MACROD2: variants seen among roughly 807,000 people sequenced by gnomAD.
MACROD2 encodes the protein ADP-ribose glycohydrolase MACROD2.
MACROD2 carries 36 observed loss-of-function variants against 70.4 expected under a neutral mutation model. The ratio of observed to expected loss-of-function variants is 0.51; its 90% confidence interval spans 0.39 to 0.68. The LOEUF is 0.68. Among genes scored for constraint, MACROD2 ranks in the 30% least tolerant of loss-of-function variants. The pLI is 0.00. For synonymous variants in MACROD2, 172 were observed against 178.8 expected (o/e 0.96, Z 0.30); for missense variants, 496 against 538.4 (o/e 0.92, Z 0.78).
intron 4 of MACROD2, among the ~76,000 whole-genome samples, chr20:14,679,614 AGAGAATTTTAAACTCTTATATT>A (rs1356077209): frequency 6.6e-6 from 1 of 152,244 alleles, no homozygotes; most frequent in Non-Finnish European, 1.5e-5. Context: ...ACAATAGATT[AGAGAATTTTAAACTCTTATATT>A]GAGTTTGTAC....
intron 6 of MACROD2, among the ~76,000 whole-genome samples, chr20:15,396,239 G>A (rs1401485292): frequency 1.3e-5 from 2 of 152,160 alleles, no homozygotes; most frequent in Non-Finnish European, 2.9e-5. Flanking sequence ...CATGTATTGA[G>A]TCACTAGCAT....
intron 5 of MACROD2, among the ~76,000 whole-genome samples, chr20:15,011,066 C>T (rs1001759646): frequency 1.3e-5 from 2 of 152,212 alleles, no homozygotes; most frequent in Non-Finnish European, 2.9e-5. Context: ...GTGTGGCAGA[C>T]AGATTCAAAT....
intron 2 of MACROD2, among the ~76,000 whole-genome samples, chr20:14,084,935 C>T (rs1337191194): frequency 6.6e-6 from 1 of 150,546 alleles, no homozygotes; most frequent in East Asian, 1.9e-4. Context: ...CCATCCTGGC[C>T]AACACTGTGA....
At chr20:15,328,074 A>G (rs1343428291) in intron 6 of MACROD2, among the ~76,000 whole-genome samples, 2 of 152,088 alleles carry the variant, frequency 1.3e-5, no homozygotes, top group African/African-American at 2.4e-5. Context: ...GGGTCAAATA[A>G]TTGGGGCCAA....
chr20:14,808,177 C>T (rs1038099010), intron 5 of MACROD2, among the ~76,000 whole-genome samples: 4 of 152,002 alleles, frequency 2.6e-5, no homozygotes, highest in Admixed American at 2.0e-4. Context: ...TTAAGGGCAG[C>T]CAGAGAGAAA....
intron 8 of MACROD2, among the ~76,000 whole-genome samples, chr20:15,772,913 C>T (rs1434305721): frequency 6.6e-6 from 1 of 152,072 alleles, no homozygotes; most frequent in African/African-American, 2.4e-5. Context: ...AAAATCAGAT[C>T]TTGTGAGAAC....
chr20:15,255,586 A>G (rs1188131459), intron 6 of MACROD2, among the ~76,000 whole-genome samples: 2 of 152,140 alleles, frequency 1.3e-5, no homozygotes, highest in African/African-American at 4.8e-5. Flanking sequence ...TAGAGTTGAT[A>G]ACATAAGAGC....
chr20:14,079,891 A>G (rs527684818), intron 2 of MACROD2, among the ~76,000 whole-genome samples: 2 of 152,122 alleles, frequency 1.3e-5, no homozygotes, highest in Non-Finnish European at 2.9e-5. Context: ...AGAGTTGAGC[A>G]GCAGGTGAGC....
intron 6 of MACROD2, among the ~76,000 whole-genome samples, chr20:15,326,224 ATAATT>A (rs2146180785): frequency 6.6e-6 from 1 of 152,224 alleles, no homozygotes; most frequent in Non-Finnish European, 1.5e-5. Context: ...TCTTGATAAT[ATAATT>A]TATCTTTGCT....
rs189212490 is a variant in MACROD2, at chr20:15,610,193, T to C, written c.645+110346T>C. On this transcript the variant is annotated intron_variant, in intron 8 of 17. Coordinates refer to ENST00000684519, the MANE Select transcript of MACROD2 (RefSeq NM_001351661.2). The stretch of plus-strand genomic sequence containing the variant: ...CTGGGCAACCTCAGTATGTTACCCA[T>C]CTACTTCTCCCACAACCGTTGCCAC... Among the ~76,000 whole-genome samples the C allele has an allele frequency of 4.6e-5, 7 of 152,356 alleles. No individual in the cohort carries two copies. The East Asian group carries it at 9.6e-4, about 21-fold the overall frequency.
chr20:15,883,026 T>G (rs1407202478), intron 9 of MACROD2, among the ~76,000 whole-genome samples: 2 of 144,234 alleles, frequency 1.4e-5, no homozygotes, highest in African/African-American at 2.6e-5. Context: ...ACTGACAAGA[T>G]TCTTAAAAAA....
At chr20:14,613,895 G>A (rs139610205) in intron 4 of MACROD2, among the ~76,000 whole-genome samples, 15 of 152,042 alleles carry the variant, frequency 9.9e-5, no homozygotes, top group Middle Eastern at 6.8e-3. Flanking sequence ...TAAACCCATC[G>A]TTATTCTAAG....
chr20:15,758,223 A>G (rs145546788), intron 8 of MACROD2, among the ~76,000 whole-genome samples: 21 of 151,232 alleles, frequency 1.4e-4, no homozygotes, highest in African/African-American at 4.6e-4. Flanking sequence ...TTGGAATAAT[A>G]CATTCCTGTA....
At chr20:14,048,798 A>C (rs1329637991) in intron 2 of MACROD2, among the ~76,000 whole-genome samples, 4 of 152,252 alleles carry the variant, frequency 2.6e-5, no homozygotes, top group Non-Finnish European at 5.9e-5. Context: ...TTTAAGGTTA[A>C]ATACAAAGAA....
chr20:15,206,721 G>GTTTTTTTTTTTTTTTTTTTTTCTTT (rs2076707513), intron 5 of MACROD2, among the ~76,000 whole-genome samples: 1 of 32,990 alleles, frequency 3.0e-5, no homozygotes, highest in Non-Finnish European at 5.1e-5. Context: ...TATTATCTAT[G>GTTTTTTTTTTTTTTTTTTTTTCTTT]TTTTTTTTTT....
intron 5 of MACROD2, among the ~76,000 whole-genome samples, chr20:15,138,155 T>A (rs1026507424): frequency 6.6e-6 from 1 of 152,178 alleles, no homozygotes; most frequent in Non-Finnish European, 1.5e-5. Context: ...TTTTTGCATA[T>A]GTATATTCAC....
intron 5 of MACROD2, among the ~76,000 whole-genome samples, chr20:14,756,706 G>A (rs1362688278): frequency 1.3e-5 from 2 of 151,312 alleles, no homozygotes; most frequent in African/African-American, 2.5e-5. Context: ...AAAAGACAAT[G>A]TTTAAATTCT....
chr20:15,891,900 T>G (rs186331694), intron 10 of MACROD2, among the ~76,000 whole-genome samples: 264 of 152,156 alleles, frequency 1.7e-3, no homozygotes, highest in Non-Finnish European at 1.7e-3. Context: ...TGCTGTGAAG[T>G]GTGGGGCATA....
At chr20:14,643,802 A>T (rs1204829061) in intron 4 of MACROD2, among the ~76,000 whole-genome samples, 1 of 152,158 alleles carries the variant, frequency 6.6e-6, no homozygotes, top group Non-Finnish European at 1.5e-5. Context: ...GCCTCAGCTC[A>T]TGCCACAGTA....
Sources: gnomAD v4.1 joint callset for allele counts (sites outside exome capture counted in the v4.1 genomes callset) on GRCh38, gnomAD v4.1.1 for gene constraint, MANE v1.5 for transcripts, NCBI Gene and HGNC (gene_info 2026-07-23, HGNC 2026-07-21) for gene names.